The following HS1BP3 variants were observed in gnomAD, a reference collection of about 807,000 sequenced individuals.
HS1BP3 encodes HCLS1 binding protein 3.
HS1BP3 carries 32 observed loss-of-function variants against 33.5 expected under a neutral mutation model. The observed-to-expected ratio is 0.95, with a 90% CI of 0.72 to 1.28. The LOEUF is 1.28. HS1BP3 is among the 50% of genes most tolerant of loss of function. HS1BP3 has a pLI of 0.00. For synonymous variants in HS1BP3, 187 were observed against 209.2 expected, an observed-to-expected ratio of 0.89 and a Z score of 0.92; for missense variants, 486 against 502.3, an observed-to-expected ratio of 0.97 and a Z score of 0.31.
At chr2:20,572,418 C>T (rs2149272878) in intron 5 of HS1BP3, among the ~76,000 whole-genome samples, 1 of 152,354 alleles carries the variant, frequency 6.6e-6, no homozygotes, top group East Asian at 1.9e-4. Context: ...CCGTACCCTA[C>T]TCCACCCTAT....
At chr2:20,626,938 G>A (rs1194780058) in intron 4 of HS1BP3, among the ~76,000 whole-genome samples, 4 of 152,174 alleles carry the variant, frequency 2.6e-5, no homozygotes, top group Non-Finnish European at 5.9e-5. Flanking sequence ...TAGGAAGTGG[G>A]TACCAAACAA....
intron 2 of HS1BP3, among the ~76,000 whole-genome samples, chr2:20,608,027 C>A (rs1352205081): frequency 6.6e-6 from 1 of 152,060 alleles, no homozygotes; most frequent in South Asian, 2.1e-4. Context: ...TAAATTGAAT[C>A]GTTTTCTTGA....
intron 6 of HS1BP3, chr2:20,622,712 G>T: frequency 5.2e-6 from 1 of 191,358 alleles, no homozygotes; most frequent in Non-Finnish European, 1.1e-5. Flanking sequence ...TGCTCGGCCT[G>T]GCCCTGCTGC....
downstream of HS1BP3, among the ~76,000 whole-genome samples, chr2:20,555,617 T>C (rs576356210): frequency 4.6e-5 from 7 of 152,196 alleles, no homozygotes; most frequent in African/African-American, 1.7e-4. Context: ...GGTTTACATA[T>C]GGTGAGTTTC....
downstream of HS1BP3, among the ~76,000 whole-genome samples, chr2:20,588,823 C>T (rs1246964270): frequency 6.6e-6 from 1 of 152,244 alleles, no homozygotes; most frequent in Non-Finnish European, 1.5e-5. Context: ...GAAGGCTTGC[C>T]TGAGGTCCCT....
At chr2:20,591,179 C>A (rs1459000812), downstream of HS1BP3, 4 of 167,180 alleles carry the variant, frequency 2.4e-5, no homozygotes, top group African/African-American at 9.6e-5. Flanking sequence ...CCTGCCCCAG[C>A]CACTGGAGAG....
At chr2:20,644,278 G>T (rs569225076) in intron 2 of HS1BP3, among the ~76,000 whole-genome samples, 71 of 152,182 alleles carry the variant, frequency 4.7e-4, no homozygotes, top group African/African-American at 1.0e-3. Flanking sequence ...TCTCCTCTCT[G>T]CCTCAACTGC....
chr2:20,580,171 G>T (rs1693497994), intron 5 of HS1BP3, among the ~76,000 whole-genome samples: 1 of 152,262 alleles, frequency 6.6e-6, no homozygotes, highest in East Asian at 1.9e-4. Context: ...AATAAGCAAG[G>T]CAAGGCTGAG....
intron 5 of HS1BP3, among the ~76,000 whole-genome samples, chr2:20,561,235 G>T (rs1692986186): frequency 6.6e-6 from 1 of 152,190 alleles, no homozygotes; most frequent in Admixed American, 6.5e-5. Flanking sequence ...CTGTCCTGCA[G>T]CTCAGAGCTG....
intron 4 of HS1BP3, chr2:20,637,046 C>T (rs1412876114): frequency 6.6e-6 from 1 of 151,224 alleles, no homozygotes; most frequent in Non-Finnish European, 1.5e-5. Flanking sequence ...CCCCCCCGCC[C>T]CGCCAAGGGG....
At chr2:20,598,983 G>T (rs1417052210) in intron 2 of HS1BP3, among the ~76,000 whole-genome samples, 2 of 152,214 alleles carry the variant, frequency 1.3e-5, no homozygotes, top group Non-Finnish European at 2.9e-5. Flanking sequence ...GGAGGGAAGG[G>T]ACAGATGCTA....
At position 20,604,819 on chromosome 2, in the gene HS1BP3, G is replaced by C. The variant is rs546536970; in HGVS notation, c.179-6554C>G. Among the ~76,000 whole-genome samples, 43 of 152,226 alleles carry C rather than the reference G, an allele frequency of 2.8e-4. 1 individual carries two copies. Among genetic ancestry groups the C allele is most frequent in the African/African-American group, 1.0e-3 (42 of 41,540 alleles). ...CATCCCATCCCCTGAGAGAGACTCT[G>C]CCACGGAGTCTGGGTTTTCAGGATA... On this transcript the variant is annotated intron_variant, in intron 2 of 3. Coordinates refer to the HS1BP3 transcript ENST00000415264.
At chr2:20,597,196 C>G (rs1003102519) in intron 3 of HS1BP3, among the ~76,000 whole-genome samples, 1 of 152,208 alleles carries the variant, frequency 6.6e-6, no homozygotes, top group Non-Finnish European at 1.5e-5. Flanking sequence ...TTGACCTTCT[C>G]TCTGAGCCCA....
Position 20,651,033 on chromosome 2 carries a change from T to G in HS1BP3, c.31A>C (p.Arg11=). 1 of 1,240,720 alleles carries G rather than the reference T, an allele frequency of 8.1e-7. No homozygotes were observed. Among genetic ancestry groups the G allele is most frequent in the South Asian group, 4.0e-5 (1 of 24,960 alleles). The allele number at this position is 1,240,720 out of a possible 1,614,324, so 76.9% of individuals were successfully genotyped here. The change falls in exon 1 of 7, where the codon AGG becomes CGG. Residue 11 remains arginine (R), a splice_region_variant and synonymous_variant. Transcript: ENST00000304031. MQSPAVLVTS[R]RLQNAHTGLD... ...GTGGGGCGCGGGGGTCTGGCTCACC[T>G]GGAGGTGACGAGCACCGCCGGGGAC...
chr2:20,647,214 A>C (rs1441544394), intron 1 of HS1BP3, among the ~76,000 whole-genome samples: 3 of 152,148 alleles, frequency 2.0e-5, no homozygotes, highest in Non-Finnish European at 4.4e-5. Flanking sequence ...TGACCACGCC[A>C]GAACCCACAA....
At chr2:20,561,726 T>A (rs1471420315) in intron 5 of HS1BP3, among the ~76,000 whole-genome samples, 1 of 152,138 alleles carries the variant, frequency 6.6e-6, no homozygotes, top group Non-Finnish European at 1.5e-5. Flanking sequence ...AAATATATAT[T>A]TTGTCTTCTT....
chr2:20,562,988 C>G (rs1281585465), intron 5 of HS1BP3, among the ~76,000 whole-genome samples: 2 of 152,236 alleles, frequency 1.3e-5, no homozygotes, highest in Non-Finnish European at 2.9e-5. Context: ...ACCTTCTCAA[C>G]TTCCCACTGC....
At chr2:20,606,674 C>T (rs1017020373) in intron 2 of HS1BP3, 7 of 385,912 alleles carry the variant, frequency 1.8e-5, no homozygotes, top group East Asian at 6.6e-5. Flanking sequence ...CAGAGAGCAG[C>T]GGTGAACGCT....
chr2:20,568,668 A>G (rs1014297170), intron 5 of HS1BP3, among the ~76,000 whole-genome samples: 1 of 152,042 alleles, frequency 6.6e-6, no homozygotes, highest in African/African-American at 2.4e-5. Flanking sequence ...TCCTGGAAGG[A>G]GCTCAGGGCC....
Sources: allele counts gnomAD v4.1 joint callset (sites outside exome capture counted in the v4.1 genomes callset), GRCh38; gene constraint gnomAD v4.1.1; transcripts MANE v1.5; gene names NCBI Gene and HGNC (gene_info 2026-07-23, HGNC 2026-07-21).